Variants in SPIRE1 observed in about 807,000 individuals in gnomAD.
The protein encoded by SPIRE1 is spire type actin nucleation factor 1.
A neutral mutation model predicts 94.1 loss-of-function variants in SPIRE1; 40 were observed. That is an observed-to-expected ratio of 0.43 (90% CI 0.33 to 0.55). The LOEUF (loss-of-function observed/expected upper bound fraction) is 0.55. SPIRE1 is among the 20% of genes least tolerant of loss of function. SPIRE1 has a pLI of 0.06. For synonymous variants in SPIRE1, 376 were observed against 371.7 expected (o/e 1.01, Z -0.13); for missense variants, 838 against 975.2 (o/e 0.86, Z 1.87).
intron 2 of SPIRE1, among the ~76,000 whole-genome samples, chr18:12,582,750 G>A (rs1168010133): frequency 6.6e-6 from 1 of 152,156 alleles, no homozygotes; most frequent in African/African-American, 2.4e-5. Context: ...TAGCTTTCTA[G>A]ATGATTCCAA....
intron 6 of SPIRE1, among the ~76,000 whole-genome samples, chr18:12,498,209 C>A (rs540846685): frequency 6.6e-6 from 1 of 152,280 alleles, no homozygotes; most frequent in East Asian, 1.9e-4. Context: ...GACGCTAAAC[C>A]TGTATAAGGA....
At chr18:12,565,536 G>C (rs1016289586) in intron 2 of SPIRE1, among the ~76,000 whole-genome samples, 1 of 151,804 alleles carries the variant, frequency 6.6e-6, no homozygotes, top group African/African-American at 2.4e-5. Context: ...CACCATGCCT[G>C]GCTAATTTTT....
intron 2 of SPIRE1, among the ~76,000 whole-genome samples, chr18:12,602,581 G>A (rs1363370216): frequency 6.6e-6 from 1 of 152,142 alleles, no homozygotes; most frequent in Non-Finnish European, 1.5e-5. Flanking sequence ...TAACTCTGTG[G>A]CGCAGAAACA....
intron 2 of SPIRE1, among the ~76,000 whole-genome samples, chr18:12,619,277 C>T (rs867850165): frequency 6.6e-6 from 1 of 152,102 alleles, no homozygotes; most frequent in South Asian, 2.1e-4. Flanking sequence ...TTTAGGAGGC[C>T]AAGGCAGGCC....
intron 4 of SPIRE1, among the ~76,000 whole-genome samples, chr18:12,519,611 A>G (rs2034303267): frequency 6.6e-6 from 1 of 152,224 alleles, no homozygotes; most frequent in Non-Finnish European, 1.5e-5. Flanking sequence ...TTATTTTCTT[A>G]ATAAATAAAG....
intron 2 of SPIRE1, among the ~76,000 whole-genome samples, chr18:12,557,186 G>A (rs1278496377): frequency 4.6e-5 from 7 of 152,214 alleles, no homozygotes; most frequent in East Asian, 1.9e-4. Context: ...ACCGGTCGCC[G>A]CGGAGCAGGG....
intron 6 of SPIRE1, among the ~76,000 whole-genome samples, chr18:12,497,107 C>A (rs1007214522): frequency 1.4e-4 from 22 of 151,782 alleles, no homozygotes; most frequent in Admixed American, 6.6e-4. Context: ...AACAAAAAAA[C>A]CCCACAAAAA....
At chr18:12,510,542 A>G (rs957530582) in intron 5 of SPIRE1, among the ~76,000 whole-genome samples, 1 of 150,996 alleles carries the variant, frequency 6.6e-6, no homozygotes, top group Non-Finnish European at 1.5e-5. Flanking sequence ...GACTTCAACA[A>G]TCTTCTTTTT....
rs567848607 is a variant in SPIRE1, at chr18:12,559,610, C to T, written c.373-12706G>A. ...CCGTGGCCTGAGGAGGTGCCAAGAG[C>T]GAGCGAGGGCTGCTAGCACGTTGTC... On this transcript the variant is annotated intron_variant, in intron 2 of 16. Transcript: ENST00000409402. The surrounding 1 kb of genome is among the most constrained non-coding windows in gnomAD (Gnocchi z 4.7). Among the ~76,000 whole-genome samples the T allele has an allele frequency of 4.6e-5, 7 of 152,272 alleles. 1 individual carries two copies. The South Asian group carries it at 8.3e-4, about 18-fold the overall frequency.
At chr18:12,601,968 G>C (rs1441725301) in intron 2 of SPIRE1, among the ~76,000 whole-genome samples, 1 of 152,150 alleles carries the variant, frequency 6.6e-6, no homozygotes. Context: ...GTTACTGGTA[G>C]TGGGGAAGGC....
chr18:12,467,886 T>A (rs2032186483), intron 10 of SPIRE1, among the ~76,000 whole-genome samples: 1 of 151,924 alleles, frequency 6.6e-6, no homozygotes, highest in African/African-American at 2.4e-5. Flanking sequence ...GAGGTGGAGG[T>A]TGCGGTGAGC....
intron 2 of SPIRE1, among the ~76,000 whole-genome samples, chr18:12,615,345 A>AAAAAAAAAAAAAATATATATATAT: frequency 4.1e-4 from 7 of 17,230 alleles, no homozygotes; most frequent in Non-Finnish European, 1.3e-3. Flanking sequence ...AAAAAAAAAA[A>AAAAAAAAAAAAAATATATATATAT]ATATATATAT....
intron 2 of SPIRE1, among the ~76,000 whole-genome samples, chr18:12,592,120 G>A (rs547136967): frequency 4.6e-5 from 7 of 152,060 alleles, no homozygotes; most frequent in South Asian, 4.2e-4. Flanking sequence ...AGAAGATACC[G>A]AGCTGTAAGT....
chr18:12,503,431 GCCAGATTCCT>G (rs1243778438), intron 6 of SPIRE1, among the ~76,000 whole-genome samples: 1 of 152,052 alleles, frequency 6.6e-6, no homozygotes, highest in East Asian at 1.9e-4. Flanking sequence ...TCTTTATTTT[GCCAGATTCCT>G]CTACTCATCC....
intron 10 of SPIRE1, among the ~76,000 whole-genome samples, chr18:12,474,901 A>T (rs1177830841): frequency 6.6e-6 from 1 of 152,146 alleles, no homozygotes. Context: ...TAGGTGATAC[A>T]ACTGAGAAGC....
rs9959145 is a variant in SPIRE1, at chr18:12,606,464, G to A, written c.372+28598C>T. ...AACTTAACTCAGGGCTATTCTCCTG[G>A]TCTACCTTGTTTCTAAAGCTGCTCA... is the stretch of plus-strand genomic sequence containing the variant. On this transcript the variant is annotated intron_variant, in intron 2 of 16. Transcript: ENST00000409402. Among the ~76,000 whole-genome samples, 8 of 152,080 alleles carry A rather than the reference G, an allele frequency of 5.3e-5. No homozygotes were observed. In the South Asian group the frequency reaches 1.2e-3, roughly 24 times the overall value.
intron 1 of SPIRE1, among the ~76,000 whole-genome samples, chr18:12,640,181 C>T (rs948013696): frequency 5.9e-5 from 9 of 152,138 alleles, no homozygotes; most frequent in Non-Finnish European, 8.8e-5. Flanking sequence ...CATGCAGTCA[C>T]ATTATCAATA....
chr18:12,631,594 G>A (rs192244983), intron 2 of SPIRE1, among the ~76,000 whole-genome samples: 400 of 139,932 alleles, frequency 2.9e-3, no homozygotes, highest in African/African-American at 1.0e-2. Flanking sequence ...TAAAAAAACA[G>A]GCCAGGCACA....
At chr18:12,569,191 A>G (rs1393776063) in intron 2 of SPIRE1, among the ~76,000 whole-genome samples, 1 of 151,960 alleles carries the variant, frequency 6.6e-6, no homozygotes, top group Non-Finnish European at 1.5e-5. Flanking sequence ...ATATACAAAA[A>G]AATTAGCCAG....
Sources: gnomAD v4.1 joint callset for allele counts (sites outside exome capture counted in the v4.1 genomes callset) on GRCh38, gnomAD v4.1.1 for gene constraint, Gnocchi (gnomAD v3.1) non-coding constraint, MANE v1.5 for transcripts, NCBI Gene and HGNC (gene_info 2026-07-23, HGNC 2026-07-21) for gene names.